TRAPPC8: variants seen among roughly 807,000 people sequenced by gnomAD.
TRAPPC8 encodes general sporulation gene 1 homolog.
TRAPPC8 carries 54 observed loss-of-function variants against 174.3 expected under a neutral mutation model. The observed-to-expected ratio is 0.31, with a 90% CI of 0.25 to 0.39. The LOEUF (loss-of-function observed/expected upper bound fraction) is 0.39. TRAPPC8 is among the 10% of genes least tolerant of loss of function. The probability of loss-of-function intolerance (pLI) is 1.00; values close to 1 mark genes in which losing one functional copy is unlikely to be tolerated. For synonymous variants in TRAPPC8, 630 were observed against 579.9 expected (o/e 1.09, Z -1.24); for missense variants, 1,531 against 1,699.1 (o/e 0.90, Z 1.74).
chr18:31,890,979 T>TA (rs2035930129), intron 11 of TRAPPC8, 113 bp from the exon 12 acceptor site: 1 of 977,996 alleles, frequency 1.0e-6, no homozygotes, highest in African/African-American at 1.7e-5. Flanking sequence ...ATGTTTAACT[T>TA]AAGAGTATAT....
At chr18:31,881,719 G>A (rs371054964) in intron 12 of TRAPPC8, among the ~76,000 whole-genome samples, 2 of 151,958 alleles carry the variant, frequency 1.3e-5, no homozygotes, top group African/African-American at 4.8e-5. Flanking sequence ...TCCAAAATCT[G>A]AGAAAATACT....
At chr18:31,938,887 C>T (rs1044380854) in intron 1 of TRAPPC8, among the ~76,000 whole-genome samples, 1 of 152,046 alleles carries the variant, frequency 6.6e-6, no homozygotes, top group Non-Finnish European at 1.5e-5. Flanking sequence ...AGAGACAATC[C>T]TGGCCAACAT....
At chr18:31,890,638 T>A in intron 12 of TRAPPC8, 97 bp downstream of exon 12, 1 of 1,414,100 alleles carries the variant, frequency 7.1e-7, no homozygotes, top group Non-Finnish European at 9.5e-7. Context: ...AGAACAAAAT[T>A]TAGTTTTTAA....
At chr18:31,893,252 A>G (rs1272539199) in intron 11 of TRAPPC8, among the ~76,000 whole-genome samples, 1 of 152,066 alleles carries the variant, frequency 6.6e-6, no homozygotes, top group Non-Finnish European at 1.5e-5. Flanking sequence ...TTTTGACATG[A>G]AAGAGTTTAT....
At chr18:31,912,739 T>C (rs1008981903) in intron 5 of TRAPPC8, among the ~76,000 whole-genome samples, 1 of 152,168 alleles carries the variant, frequency 6.6e-6, no homozygotes, top group Non-Finnish European at 1.5e-5. Flanking sequence ...CTGTAGGCAT[T>C]CATAATGAAT....
chr18:31,913,881 C>G (rs74933052), intron 4 of TRAPPC8, among the ~76,000 whole-genome samples: 290 of 152,070 alleles, frequency 1.9e-3, no homozygotes, highest in Non-Finnish European at 3.5e-3. Context: ...GGAAACAAAA[C>G]AAGTGTTTTG....
At chr18:31,831,035 A>AT (rs777326822) in intron 28 of TRAPPC8, 46 bp from the exon 29 acceptor site, 2 of 1,536,002 alleles carry the variant, frequency 1.3e-6, no homozygotes, top group Admixed American at 1.9e-5. Context: ...TTTCTTTTTA[A>AT]TTTTTTTCCC....
chr18:31,934,060 C>T (rs1421808974), intron 1 of TRAPPC8, among the ~76,000 whole-genome samples: 3 of 151,846 alleles, frequency 2.0e-5, no homozygotes, highest in Non-Finnish European at 4.4e-5. Context: ...TGGTGGCAAG[C>T]GCCTGTATTC....
chr18:31,867,580 TGCA>T, intron 16 of TRAPPC8, 104 bp from the exon 17 acceptor site: 6 of 801,634 alleles, frequency 7.5e-6, no homozygotes, highest in African/African-American at 3.5e-5. Flanking sequence ...AATTAAAGTC[TGCA>T]TTTACTTGGT....
At chr18:31,875,411 A>AGCCT (rs140528791) in intron 12 of TRAPPC8, among the ~76,000 whole-genome samples, 22,552 of 151,436 alleles carry the variant, frequency 0.15, 1,934 homozygotes, top group South Asian at 0.33. Context: ...TGCTGATCCC[A>AGCCT]GCCTGCCTGC....
At chr18:31,845,194 A>AT (rs2033333897) in intron 26 of TRAPPC8, 1 of 150,570 alleles carries the variant, frequency 6.6e-6, no homozygotes, top group Non-Finnish European at 1.5e-5. Flanking sequence ...AAAAAAAAAT[A>AT]AATAAATAAA....
intron 1 of TRAPPC8, among the ~76,000 whole-genome samples, chr18:31,939,177 T>A: frequency 1.3e-5 from 2 of 151,460 alleles, no homozygotes; most frequent in East Asian, 3.9e-4. Context: ...CTAAAATGTA[T>A]TTATACCAGC....
At chr18:31,844,566 A>C (rs1391176992) in intron 26 of TRAPPC8, 3 of 152,130 alleles carry the variant, frequency 2.0e-5, no homozygotes, top group Admixed American at 6.5e-5. Flanking sequence ...TTTATTTGAG[A>C]CTTCTAAATT....
chr18:31,840,634 C>G (rs972007897), intron 26 of TRAPPC8, among the ~76,000 whole-genome samples: 1 of 152,236 alleles, frequency 6.6e-6, no homozygotes, highest in Admixed American at 6.5e-5. Flanking sequence ...TTTATTGAAA[C>G]GCAGCCACAT....
At chr18:31,867,591 G>A in intron 16 of TRAPPC8, 115 bp from the exon 17 acceptor site, 59 of 580,610 alleles carry the variant, frequency 1.0e-4, no homozygotes, top group South Asian at 7.0e-4. Flanking sequence ...GCATTTACTT[G>A]GTTTTTACCA....
Position 31,856,807 on chromosome 18 carries a change from C to CTTTT in TRAPPC8, c.3188+729_3188+732dup, listed in dbSNP as rs79712667. Among the ~76,000 whole-genome samples the CTTTT allele has an allele frequency of 1.3e-3, 138 of 109,928 alleles. 2 individuals are homozygous for CTTTT. The highest frequency in any genetic ancestry group is 3.6e-3 in the African/African-American group (89 of 24,876). 72.1% of individuals were successfully genotyped at this position (109,928 alleles called of 152,430 possible). On this transcript the variant is annotated intron_variant, in intron 20 of 28. Coordinates refer to ENST00000283351, the MANE Select transcript of TRAPPC8 (RefSeq NM_014939.5). ...TCCCTTGATATTCAAATGCTAAAATCTTTTTTTTTTTTTTTTTTTTTTGAG... is the reference window on the plus strand; with the variant it reads ...TCCCTTGATATTCAAATGCTAAAATCTTTTTTTTTTTTTTTTTTTTTTTTTTGAG...
At chr18:31,905,185 CAATT>C (rs1220042646) in intron 9 of TRAPPC8, among the ~76,000 whole-genome samples, 1 of 152,104 alleles carries the variant, frequency 6.6e-6, no homozygotes, top group Non-Finnish European at 1.5e-5. Context: ...TTTATCTTAT[CAATT>C]AGTTAACATG....
At chr18:31,851,740 G>A (rs2033714179) in intron 24 of TRAPPC8, among the ~76,000 whole-genome samples, 1 of 151,950 alleles carries the variant, frequency 6.6e-6, no homozygotes. Flanking sequence ...GGAGTCTTAT[G>A]TATCTACCTT....
At chr18:31,853,312 C>T (rs1045988278) in intron 22 of TRAPPC8, among the ~76,000 whole-genome samples, 9 of 152,234 alleles carry the variant, frequency 5.9e-5, no homozygotes, top group Admixed American at 2.0e-4. Context: ...CTGTTGCCCA[C>T]GCTGGAGTGC....
Sources: gnomAD v4.1 joint callset for allele counts (sites outside exome capture counted in the v4.1 genomes callset) on GRCh38, gnomAD v4.1.1 for gene constraint, MANE v1.5 for transcripts, NCBI Gene and HGNC (gene_info 2026-07-23, HGNC 2026-07-21) for gene names.